Variants in TUSC3 observed in about 807,000 individuals in gnomAD.
TUSC3 encodes tumor suppressor candidate 3, also known as dolichyl-diphosphooligosaccharide--protein glycosyltransferase subunit TUSC3.
In TUSC3, 45 loss-of-function variants were observed where a neutral mutation model predicts 44.8. That is an observed-to-expected ratio of 1.00 (90% CI 0.79 to 1.29). TUSC3 has a LOEUF of 1.29. TUSC3 is among the 50% of genes most tolerant of loss of function. The probability of loss-of-function intolerance (pLI) is 0.00; values close to 1 mark genes in which losing one functional copy is unlikely to be tolerated. For synonymous variants in TUSC3, 212 were observed against 152.9 expected, an observed-to-expected ratio of 1.39 and a Z score of -2.85; for missense variants, 519 against 437.9, an observed-to-expected ratio of 1.19 and a Z score of -1.65.
intron 1 of TUSC3, among the ~76,000 whole-genome samples, chr8:15,568,264 C>A (rs566686503): frequency 9.9e-5 from 15 of 152,230 alleles, no homozygotes; most frequent in African/African-American, 3.6e-4. Context: ...TTCATTTATT[C>A]CATAAAGATT....
chr8:15,793,754 G>A, the TUSC3 span, among the ~76,000 whole-genome samples: 30 of 152,274 alleles, frequency 2.0e-4, no homozygotes, highest in African/African-American at 7.0e-4. Flanking sequence ...CCAAAATGTG[G>A]AACAACACCT....
intron 6 of TUSC3, among the ~76,000 whole-genome samples, chr8:15,723,201 C>T (rs1810371468): frequency 6.6e-6 from 1 of 152,012 alleles, no homozygotes; most frequent in Non-Finnish European, 1.5e-5. Context: ...ATGCCTGGGC[C>T]AGGTAAGAAT....
At chr8:15,596,715 G>C (rs1201131035) in intron 1 of TUSC3, among the ~76,000 whole-genome samples, 3 of 152,102 alleles carry the variant, frequency 2.0e-5, no homozygotes, top group Admixed American at 2.0e-4. Context: ...GAGAGTGGGA[G>C]ATGTGGTGTG....
Position 15,664,795 on chromosome 8 carries a change from A to G in TUSC3, c.708+2499A>G, listed in dbSNP as rs1335171707. On this transcript the variant is annotated intron_variant, in intron 5 of 10. Coordinates refer to ENST00000503731, the MANE Select transcript of TUSC3 (RefSeq NM_006765.4). ...TAAAAAATGAGATTAAATATATAAT[A>G]TATAATTTACATTATATGTTTTATG... 1.3e-5 allele frequency among the ~76,000 whole-genome samples: 2 copies of G among 149,532 alleles called. 1 individual carries two copies. Among genetic ancestry groups the G allele is most frequent in the South Asian group, 4.2e-4 (2 of 4,816 alleles).
chr8:15,428,587 C>T (rs1428125383), intron 1 of TUSC3, among the ~76,000 whole-genome samples: 11 of 152,156 alleles, frequency 7.2e-5, no homozygotes, highest in Non-Finnish European at 1.5e-4. Flanking sequence ...ATCCCACCAA[C>T]AGTGTAAAAG....
chr8:15,729,525 G>A (rs182160897), intron 6 of TUSC3, among the ~76,000 whole-genome samples: 28 of 152,254 alleles, frequency 1.8e-4, no homozygotes, highest in Non-Finnish European at 1.2e-4. Flanking sequence ...CCATGGAATA[G>A]TACACAGCCA....
At chr8:15,596,680 TTTAA>T (rs1431675980) in intron 1 of TUSC3, among the ~76,000 whole-genome samples, 1 of 152,176 alleles carries the variant, frequency 6.6e-6, no homozygotes, top group African/African-American at 2.4e-5. Flanking sequence ...ATTGATTTTA[TTTAA>T]TTGATTTATA....
intron 1 of TUSC3, among the ~76,000 whole-genome samples, chr8:15,583,452 G>C (rs1803461937): frequency 6.6e-6 from 1 of 152,148 alleles, no homozygotes. Context: ...GCCAAGTTTA[G>C]CTTGGAAAAT....
At chr8:15,586,802 C>T (rs1484181073) in intron 1 of TUSC3, among the ~76,000 whole-genome samples, 1 of 152,142 alleles carries the variant, frequency 6.6e-6, no homozygotes, top group Non-Finnish European at 1.5e-5. Context: ...TAAGGGATAA[C>T]AGCATTAGTT....
chr8:15,588,375 T>C (rs944806335), intron 1 of TUSC3, among the ~76,000 whole-genome samples: 1 of 152,186 alleles, frequency 6.6e-6, no homozygotes, highest in African/African-American at 2.4e-5. Flanking sequence ...GAAATGTCTA[T>C]TCAGATCTTT....
chr8:15,737,774 C>A (rs1000693232), intron 7 of TUSC3, among the ~76,000 whole-genome samples: 2 of 152,114 alleles, frequency 1.3e-5, no homozygotes, highest in African/African-American at 4.8e-5. Flanking sequence ...GAGGGTCTTT[C>A]ATTAATCATT....
intron 6 of TUSC3, among the ~76,000 whole-genome samples, chr8:15,685,565 C>A (rs1808594473): frequency 6.6e-6 from 1 of 152,212 alleles, no homozygotes; most frequent in South Asian, 2.1e-4. Flanking sequence ...GTCAACAGGG[C>A]CTGTGTTTTG....
chr8:15,811,433 C>A, the TUSC3 span, among the ~76,000 whole-genome samples: 1 of 152,166 alleles, frequency 6.6e-6, no homozygotes, highest in South Asian at 2.1e-4. Context: ...GTTTAGGGGT[C>A]AAGCCCGGGG....
chr8:15,606,620 A>C (rs1804539252), intron 1 of TUSC3, among the ~76,000 whole-genome samples: 1 of 152,090 alleles, frequency 6.6e-6, no homozygotes, highest in Admixed American at 6.6e-5. Context: ...CTTGTTTCAT[A>C]CCATGTTATG....
Position 15,743,662 on chromosome 8 carries a change from C to T in TUSC3, c.937+50C>T, listed in dbSNP as rs777334322. On this transcript the variant is annotated intron_variant, in intron 8 of 10. Coordinates refer to ENST00000503731, the MANE Select transcript of TUSC3 (RefSeq NM_006765.4). ...GTAATTTCGTTTTAGTCTTAAGATT[C>T]ATTTAAGTCAAATGGGAAATACATA... The T allele has an allele frequency of 2.5e-6, 4 of 1,576,410 alleles. No homozygotes were observed. The East Asian group carries it at 6.7e-5, about 26-fold the overall frequency.
chr8:15,739,110 C>G (rs1483332229), intron 7 of TUSC3, among the ~76,000 whole-genome samples: 4 of 151,864 alleles, frequency 2.6e-5, no homozygotes, highest in Non-Finnish European at 2.9e-5. Flanking sequence ...GGATTACAGG[C>G]GTGAGCCACT....
chr8:15,769,886 AGAAT>A (rs1272444137), downstream of TUSC3, among the ~76,000 whole-genome samples: 3 of 152,200 alleles, frequency 2.0e-5, no homozygotes, highest in African/African-American at 7.2e-5. Flanking sequence ...CTCGCCAGTT[AGAAT>A]GGCGATCATT....
chr8:15,571,469 A>T (rs1315809846), intron 1 of TUSC3, among the ~76,000 whole-genome samples: 2 of 152,182 alleles, frequency 1.3e-5, no homozygotes, highest in African/African-American at 4.8e-5. Flanking sequence ...AGAAAAGTAT[A>T]TATACCTTAA....
the TUSC3 span, among the ~76,000 whole-genome samples, chr8:15,851,487 A>G: frequency 6.6e-6 from 1 of 152,300 alleles, no homozygotes; most frequent in East Asian, 1.9e-4. Flanking sequence ...CATATAGAGA[A>G]AACTGCAAGG....
Sources: allele counts gnomAD v4.1 joint callset (sites outside exome capture counted in the v4.1 genomes callset), GRCh38; gene constraint gnomAD v4.1.1; transcripts MANE v1.5; gene names NCBI Gene and HGNC (gene_info 2026-07-23, HGNC 2026-07-21).